Variants in C11orf21 observed in about 807,000 individuals in gnomAD.
C11orf21 encodes the protein chromosome 11 open reading frame 21, also known as uncharacterized protein C11orf21.
In C11orf21, 19 loss-of-function variants were observed where a neutral mutation model predicts 15.2. The observed-to-expected ratio is 1.25, with a 90% CI of 0.87 to 1.84. The LOEUF (loss-of-function observed/expected upper bound fraction) is 1.84, where lower values mean the gene tolerates loss of function less well. Among genes scored for constraint, C11orf21 ranks in the 40% most tolerant of loss-of-function variants. The pLI is 0.00. For missense variants in C11orf21, 171 were observed against 174.4 expected, an observed-to-expected ratio of 0.98 and a Z score of 0.11; for synonymous variants, 62 against 66.8, an observed-to-expected ratio of 0.93 and a Z score of 0.35.
chr11:2,301,951 A>C, upstream of C11orf21: 1 of 1,503,658 alleles, frequency 6.7e-7, no homozygotes, highest in Non-Finnish European at 8.9e-7. Context: ...GGGGGGAGCC[A>C]ACCTCACTGC....
At chr11:2,298,974 C>T (rs1209197045) in intron 3 of C11orf21, among the ~76,000 whole-genome samples, 2 of 152,176 alleles carry the variant, frequency 1.3e-5, no homozygotes, top group Non-Finnish European at 2.9e-5. Context: ...AGGGAAGGCC[C>T]GGGCAGCCAT....
rs1332434886 is a variant in C11orf21, at chr11:2,299,687, C to A, written c.168G>T (p.Met56Ile). Residue 56 changes from methionine (M) to isoleucine (I), a missense_variant, in exon 3 of 4, where the codon ATG becomes ATT. Physicochemically the swap from Met to Ile is conservative, Grantham distance 10. Transcript: ENST00000381153. ...SRDQEAPGSM[M>I]PPAAAQPSAH... is the part of the protein sequence containing the mutation. ...CGGAGGGTTGGGCAGCTGCAGGTGG[C>A]ATCATTGAGCCAGGGGCCTCCTGGT... 2.6e-6 allele frequency: 4 copies of A among 1,550,784 alleles called. No individual in the cohort carries two copies. The highest frequency in any genetic ancestry group is 3.5e-6 in the Non-Finnish European group (4 of 1,146,882).
chr11:2,298,533 G>A (rs1041297047), intron 3 of C11orf21, among the ~76,000 whole-genome samples: 2 of 152,164 alleles, frequency 1.3e-5, no homozygotes, highest in African/African-American at 4.8e-5. Context: ...TTCTGCCAGC[G>A]GGACCTTCCC....
At position 2,299,545 on chromosome 11, in the gene C11orf21, G is replaced by A. The variant is rs762777190; in HGVS notation, c.310C>T (p.Arg104Trp). The A allele has an allele frequency of 2.1e-5, 32 of 1,550,572 alleles. No homozygotes were observed. Among genetic ancestry groups the A allele is most frequent in the South Asian group, 9.5e-5 (8 of 84,066 alleles). ...SLPGQLPLAI[R>W]LGWDLDLEAG... ...TCTAAGTCCAAGTCCCATCCCAGCC[G>A]GATAGCCAGGGGCAACTGCCCAGGT... The change falls in exon 3 of 4, where the codon CGG (arginine) becomes TGG (tryptophan). Residue 104 changes from arginine (R) to tryptophan (W), a missense_variant. By Grantham distance (101) the Arg-to-Trp change is moderately radical. Transcript: ENST00000381153.
rs1221320481 is a variant in C11orf21, at chr11:2,301,899, C to G, written c.-91G>C. On this transcript the variant is annotated 5_prime_UTR_variant, in exon 1 of 4. Transcript: ENST00000381153. ...AGGGCCTCAGATGTCAGCAAATGCC[C>G]TGGTGTCTTGGGCTGGGCTGGGGGC... is the stretch of plus-strand genomic sequence containing the variant. The G allele has an allele frequency of 6.5e-7, 1 of 1,544,662 alleles. No homozygotes were observed. The highest frequency in any genetic ancestry group is 2.0e-5 in the Admixed American group (1 of 50,900).
At chr11:2,300,660 G>A (rs1299664813) in intron 1 of C11orf21, 47 bp from the exon 2 acceptor site, 23 of 1,549,826 alleles carry the variant, frequency 1.5e-5, no homozygotes, top group South Asian at 2.4e-5. Context: ...ACCCAGGCCC[G>A]CCCTGCTCCG....
chr11:2,301,968 C>A, upstream of C11orf21: 2 of 1,490,268 alleles, frequency 1.3e-6, no homozygotes, highest in African/African-American at 1.4e-5. Flanking sequence ...CTGCCCCTCC[C>A]CTTCCTGCCT....
chr11:2,298,868 C>G (rs987993823), intron 3 of C11orf21, among the ~76,000 whole-genome samples: 2 of 151,632 alleles, frequency 1.3e-5, no homozygotes, highest in Non-Finnish European at 1.5e-5. Context: ...TCTGCCCTCA[C>G]TGAGGGCAGA....
At chr11:2,298,644 G>T (rs1307168082) in intron 3 of C11orf21, among the ~76,000 whole-genome samples, 2 of 152,168 alleles carry the variant, frequency 1.3e-5, no homozygotes, top group African/African-American at 4.8e-5. Context: ...CCCCCACGGG[G>T]TGCCGAGTCT....
chr11:2,301,392 A>C, intron 1 of C11orf21: 1 of 211,572 alleles, frequency 4.7e-6, no homozygotes, highest in African/African-American at 2.3e-5. Context: ...GGCCCACGGA[A>C]ACCCTGCCTG....
intron 2 of C11orf21, 122 bp from the exon 3 acceptor site, chr11:2,299,829 T>C (rs12281287): frequency 3.9e-4 from 238 of 614,366 alleles, no homozygotes; most frequent in Middle Eastern, 1.1e-3. Flanking sequence ...CACATCCACG[T>C]CTGCACACGC....
rs1847515099 is a variant in C11orf21, at chr11:2,296,040, G to A, written c.*1910C>T. 1 of 152,168 alleles carries A rather than the reference G, an allele frequency of 6.6e-6. No homozygotes were observed. Among genetic ancestry groups the A allele is most frequent in the African/African-American group, 2.4e-5 (1 of 41,436 alleles). 9.4% of individuals were successfully genotyped at this position (152,168 alleles called of 1,614,324 possible). A position where few individuals can be genotyped will look rare whatever the true frequency, so the allele number is the denominator to read the frequency against. On this transcript the variant is annotated 3_prime_UTR_variant, in exon 4 of 4. Transcript: ENST00000381153. This position sits in a 1 kb window ranked among gnomAD's most constrained non-coding sequence, Gnocchi z 5.6. ...TTGGAGTCCTGGTTAAGTTTACCAG[G>A]ATTCACTGTCCTTCTTTCTCCGGGA...
chr11:2,300,665 G>A (rs753965614), intron 1 of C11orf21, 52 bp from the exon 2 acceptor site: 6 of 1,549,928 alleles, frequency 3.9e-6, no homozygotes, highest in African/African-American at 1.4e-5. Flanking sequence ...GGCCCGCCCT[G>A]CTCCGAAATT....
chr11:2,299,759 T>A, intron 2 of C11orf21, 52 bp from the exon 3 acceptor site: 2 of 1,544,282 alleles, frequency 1.3e-6, no homozygotes, highest in Non-Finnish European at 8.8e-7. Context: ...GACCCAGGAA[T>A]TCACAGGAAG....
chr11:2,299,318 C>T, intron 3 of C11orf21, 110 bp downstream of exon 3: 1 of 1,217,454 alleles, frequency 8.2e-7, no homozygotes, highest in Non-Finnish European at 1.1e-6. Flanking sequence ...CCAGGCCCCA[C>T]TCGCTGTGAC....
At chr11:2,299,255 A>G (rs1847611375) in intron 3 of C11orf21, among the ~76,000 whole-genome samples, 173 bp downstream of exon 3, 1 of 152,198 alleles carries the variant, frequency 6.6e-6, no homozygotes, top group Non-Finnish European at 1.5e-5. Context: ...GGCAAAGGAC[A>G]GACATGAGCC....
intron 3 of C11orf21, among the ~76,000 whole-genome samples, chr11:2,299,122 G>T (rs1409544116): frequency 6.6e-6 from 1 of 152,176 alleles, no homozygotes; most frequent in Non-Finnish European, 1.5e-5. Context: ...GGGTTCAAAG[G>T]TCCCCTGGGG....
chr11:2,302,096 T>A, upstream of C11orf21: 1 of 1,485,614 alleles, frequency 6.7e-7, no homozygotes, highest in Middle Eastern at 1.8e-4. Context: ...CCTGCCCAGC[T>A]GGAAACCACA....
In C11orf21 at chr11:2,299,543, C is replaced by T. The variant is rs1348281380; in HGVS notation, c.312G>A (p.Arg104=). ...CTTCTAAGTCCAAGTCCCATCCCAG[C>T]CGGATAGCCAGGGGCAACTGCCCAG... ...SLPGQLPLAI[R]LGWDLDLEAG... is the part of the protein sequence containing the mutation. The change falls in exon 3 of 4, where the codon CGG becomes CGA. Residue 104 remains arginine, a synonymous_variant. Coordinates refer to ENST00000381153, the MANE Select transcript of C11orf21 (RefSeq NM_001329958.2). 6 of 1,550,576 alleles carry T rather than the reference C, an allele frequency of 3.9e-6. No homozygotes were observed. Among genetic ancestry groups the T allele is most frequent in the Non-Finnish European group, 5.2e-6 (6 of 1,146,998 alleles).
Sources: allele counts gnomAD v4.1 joint callset (sites outside exome capture counted in the v4.1 genomes callset), GRCh38; gene constraint gnomAD v4.1.1; non-coding constraint Gnocchi (gnomAD v3.1); transcripts MANE v1.5; gene names NCBI Gene and HGNC (gene_info 2026-07-23, HGNC 2026-07-21).